The following CYRIB variants were observed in gnomAD, a reference collection of about 807,000 sequenced individuals.
CYRIB encodes the protein CYFIP-related Rac1 interactor B.
Under a neutral mutation model 44.2 loss-of-function variants are expected in CYRIB, and 8 were observed. The ratio of observed to expected loss-of-function variants is 0.18; its 90% CI spans 0.11 to 0.33. The LOEUF (loss-of-function observed/expected upper bound fraction) is 0.33, where lower values mean the gene tolerates loss of function less well. CYRIB is among the 10% of genes least tolerant of loss of function. The pLI is 1.00. For synonymous variants in CYRIB, 131 were observed against 127.2 expected (o/e 1.03, Z -0.20); for missense variants, 185 against 382.8 (o/e 0.48, Z 4.31).
chr8:129,939,160 G>C (rs982531360), intron 1 of CYRIB, among the ~76,000 whole-genome samples: 4 of 152,142 alleles, frequency 2.6e-5, no homozygotes, highest in African/African-American at 7.2e-5. Flanking sequence ...GGGGGATAAG[G>C]GGGTGTGGAG....
intron 10 of CYRIB, among the ~76,000 whole-genome samples, chr8:129,847,741 T>C (rs2040955985): frequency 6.6e-6 from 1 of 152,164 alleles, no homozygotes; most frequent in Non-Finnish European, 1.5e-5. Flanking sequence ...TAAAAAAGCA[T>C]AATACAGCAG....
At chr8:129,870,002 A>T (rs1052215055) in intron 4 of CYRIB, among the ~76,000 whole-genome samples, 2 of 151,744 alleles carry the variant, frequency 1.3e-5, no homozygotes, top group South Asian at 2.1e-4. Flanking sequence ...GCGTTGAAGA[A>T]AAAAATGAAA....
At chr8:129,859,507 G>A (rs1324410959) in intron 5 of CYRIB, among the ~76,000 whole-genome samples, 1 of 152,096 alleles carries the variant, frequency 6.6e-6, no homozygotes, top group Non-Finnish European at 1.5e-5. Context: ...CTGCTAAGTA[G>A]CGGGTGTTTT....
chr8:129,987,788 T>TCTCAAACTCCTGGC (rs1048593334), intron 1 of CYRIB, among the ~76,000 whole-genome samples: 1 of 152,078 alleles, frequency 6.6e-6, no homozygotes, highest in Non-Finnish European at 1.5e-5. Context: ...GCCAGGCTGG[T>TCTCAAACTCCTGGC]CTCAAACTCC....
intron 1 of CYRIB, among the ~76,000 whole-genome samples, chr8:129,904,079 T>G (rs1241361016): frequency 6.6e-6 from 1 of 152,136 alleles, no homozygotes; most frequent in Non-Finnish European, 1.5e-5. Context: ...AAACACACAA[T>G]TTTAGGTAAA....
chr8:129,959,141 C>T (rs192608806), intron 2 of CYRIB, among the ~76,000 whole-genome samples: 1 of 151,532 alleles, frequency 6.6e-6, no homozygotes, highest in East Asian at 1.9e-4. Flanking sequence ...GTAACTACTC[C>T]CAAGGCCCTG....
intron 1 of CYRIB, among the ~76,000 whole-genome samples, chr8:129,979,183 T>C (rs1438079905): frequency 6.6e-6 from 1 of 151,962 alleles, no homozygotes; most frequent in Non-Finnish European, 1.5e-5. Context: ...ATAAATAATA[T>C]ATCAATGTTT....
At chr8:129,958,470 T>C (rs2095014298) in intron 2 of CYRIB, among the ~76,000 whole-genome samples, 1 of 152,058 alleles carries the variant, frequency 6.6e-6, no homozygotes, top group Non-Finnish European at 1.5e-5. Context: ...ATAAACTCTT[T>C]ACCAAAAAAA....
At chr8:129,947,357 G>A (rs2094220301) in intron 2 of CYRIB, among the ~76,000 whole-genome samples, 1 of 152,090 alleles carries the variant, frequency 6.6e-6, no homozygotes, top group African/African-American at 2.4e-5. Flanking sequence ...ACTGTGCCCA[G>A]TCTCTAATTA....
At chr8:129,925,235 T>C (rs963478039) in intron 1 of CYRIB, among the ~76,000 whole-genome samples, 2 of 151,988 alleles carry the variant, frequency 1.3e-5, no homozygotes, top group African/African-American at 4.8e-5. Flanking sequence ...CCGCCTCTAC[T>C]AAAAATACAA....
intron 3 of CYRIB, among the ~76,000 whole-genome samples, chr8:129,876,159 C>T (rs1451951207): frequency 6.6e-6 from 1 of 151,758 alleles, no homozygotes; most frequent in East Asian, 1.9e-4. Flanking sequence ...AATCTACTCC[C>T]TGCCATTTAA....
At chr8:129,915,079 C>T (rs1478880352) in intron 1 of CYRIB, among the ~76,000 whole-genome samples, 1 of 152,182 alleles carries the variant, frequency 6.6e-6, no homozygotes, top group African/African-American at 2.4e-5. Flanking sequence ...TACACTTGTG[C>T]AAAGCCACTT....
At chr8:129,959,397 G>A (rs953939290) in intron 2 of CYRIB, among the ~76,000 whole-genome samples, 16 of 152,058 alleles carry the variant, frequency 1.1e-4, no homozygotes, top group Non-Finnish European at 2.1e-4. Context: ...GACATTATGA[G>A]AATTTACTCT....
intron 1 of CYRIB, among the ~76,000 whole-genome samples, chr8:129,996,713 G>T: frequency 6.6e-6 from 1 of 151,938 alleles, no homozygotes; most frequent in East Asian, 1.9e-4. Context: ...AGACAGCTTT[G>T]AGCCCTCCCT....
intron 3 of CYRIB, among the ~76,000 whole-genome samples, chr8:129,872,590 G>T (rs1020115539): frequency 4.6e-5 from 7 of 151,932 alleles, no homozygotes; most frequent in Non-Finnish European, 8.8e-5. Flanking sequence ...AGCACCACAG[G>T]TAAGGCATAA....
At chr8:129,870,140 GGCTCAT>G (rs2056477222) in intron 4 of CYRIB, among the ~76,000 whole-genome samples, 1 of 152,324 alleles carries the variant, frequency 6.6e-6, no homozygotes, top group South Asian at 2.1e-4. Flanking sequence ...CAGGCATGGT[GGCTCAT>G]GCCTGTAATT....
intron 11 of CYRIB, among the ~76,000 whole-genome samples, chr8:129,845,803 T>A (rs922414078): frequency 1.3e-5 from 2 of 152,204 alleles, no homozygotes; most frequent in African/African-American, 2.4e-5. Context: ...ATACTACCAA[T>A]TAAATCTCTG....
At chr8:129,862,931 G>A (rs1488319057) in intron 4 of CYRIB, among the ~76,000 whole-genome samples, 2 of 152,074 alleles carry the variant, frequency 1.3e-5, no homozygotes, top group African/African-American at 4.8e-5. Flanking sequence ...CCTTGCAATA[G>A]ATATGAACAT....
At chr8:129,857,251 A>G (rs935357936) in intron 5 of CYRIB, among the ~76,000 whole-genome samples, 3 of 152,214 alleles carry the variant, frequency 2.0e-5, no homozygotes, top group Non-Finnish European at 4.4e-5. Context: ...CAGCTGTGAT[A>G]TGTGCTGAAA....
Sources: allele counts gnomAD v4.1 joint callset (sites outside exome capture counted in the v4.1 genomes callset), GRCh38; gene constraint gnomAD v4.1.1; transcripts MANE v1.5; gene names NCBI Gene and HGNC (gene_info 2026-07-23, HGNC 2026-07-21).